Variants in CLOCK observed in about 807,000 individuals in gnomAD.
CLOCK encodes clock circadian regulator.
Under a neutral mutation model 118.4 loss-of-function variants are expected in CLOCK, and 43 were observed. The observed-to-expected ratio is 0.36, with a 90% CI of 0.28 to 0.47. The LOEUF is 0.47. Among genes scored for constraint, CLOCK ranks in the 20% least tolerant of loss-of-function variants. CLOCK has a pLI of 1.00. For missense variants in CLOCK, 846 were observed against 999.9 expected, an observed-to-expected ratio of 0.85 and a Z score of 2.08; for synonymous variants, 326 against 339.2, an observed-to-expected ratio of 0.96 and a Z score of 0.43.
chr4:55,522,495 G>T (rs565770403), intron 1 of CLOCK, among the ~76,000 whole-genome samples: 1 of 147,154 alleles, frequency 6.8e-6, no homozygotes, highest in Non-Finnish European at 1.5e-5. Flanking sequence ...GTAATAAACT[G>T]TTTTTTTTTA....
intron 7 of CLOCK, among the ~76,000 whole-genome samples, chr4:55,473,201 C>G (rs1321252633): frequency 6.6e-6 from 1 of 151,010 alleles, no homozygotes; most frequent in African/African-American, 2.4e-5. Context: ...CCAGCCTGGG[C>G]GACTAAGCAA....
chr4:55,450,301 T>C, intron 15 of CLOCK, 69 bp from the exon 16 acceptor site: 1 of 1,584,802 alleles, frequency 6.3e-7, no homozygotes, highest in Non-Finnish European at 8.7e-7. Flanking sequence ...CACAATACTG[T>C]TAACAACAAC....
intron 7 of CLOCK, among the ~76,000 whole-genome samples, 180 bp downstream of exon 7, chr4:55,475,783 A>T (rs1370408459): frequency 2.0e-5 from 3 of 152,200 alleles, no homozygotes; most frequent in Non-Finnish European, 4.4e-5. Flanking sequence ...GTTATTACAC[A>T]CCTAATAGAC....
intron 2 of CLOCK, among the ~76,000 whole-genome samples, chr4:55,499,129 C>CT (rs1378302164): frequency 1.3e-5 from 2 of 152,098 alleles, no homozygotes; most frequent in African/African-American, 2.4e-5. Flanking sequence ...TACTTTAAGG[C>CT]TTTTTTCTGA....
At position 55,432,697 on chromosome 4, in the gene CLOCK, G is replaced by T. The variant is rs1352837798; in HGVS notation, c.*2718C>A. On this transcript the variant is annotated 3_prime_UTR_variant, in exon 23 of 23. Transcript: ENST00000513440. ...AGGAAAACAAAGCAGCAAAGAGGCA[G>T]CTGGTGCTTACTACCTCTTCCACTA... 6.6e-6 allele frequency: 1 copy of T among 152,036 alleles called. No homozygotes were observed. The highest frequency in any genetic ancestry group is 2.4e-5 in the African/African-American group (1 of 41,410). 9.4% of individuals were successfully genotyped at this position (152,036 alleles called of 1,614,324 possible). A position where few individuals can be genotyped will look rare whatever the true frequency, so the allele number is the denominator to read the frequency against.
chr4:55,455,618 G>C (rs189441678), intron 13 of CLOCK, among the ~76,000 whole-genome samples: 2 of 152,084 alleles, frequency 1.3e-5, no homozygotes, highest in East Asian at 3.8e-4. Flanking sequence ...ATTTTCAAAG[G>C]AATCTACTTC....
chr4:55,444,570 A>G, intron 19 of CLOCK, 63 bp downstream of exon 19: 1 of 1,603,998 alleles, frequency 6.2e-7, no homozygotes, highest in Non-Finnish European at 8.5e-7. Context: ...AAGAAAAGTT[A>G]ATTTTCCTAG....
chr4:55,509,390 A>AT (rs1374911786), intron 2 of CLOCK, among the ~76,000 whole-genome samples: 7 of 152,126 alleles, frequency 4.6e-5, no homozygotes, highest in African/African-American at 1.2e-4. Flanking sequence ...AGTCTTCGAG[A>AT]TTTTTTTTCA....
chr4:55,487,061 G>T (rs1439605283), intron 3 of CLOCK, among the ~76,000 whole-genome samples: 1 of 151,956 alleles, frequency 6.6e-6, no homozygotes, highest in Non-Finnish European at 1.5e-5. Context: ...ACTTTCAATA[G>T]ATTTTATTTT....
Position 55,472,756 on chromosome 4 carries a change from G to C in CLOCK, c.349-1950C>G, listed in dbSNP as rs537290814. On this transcript the variant is annotated intron_variant, in intron 7 of 22. Coordinates refer to ENST00000513440, the MANE Select transcript of CLOCK (RefSeq NM_004898.4). ...TTGTCCCCCCCCTTCTTTTGGGAAA[G>C]AGATCTGGATATCACAAAGAACTTA... Among the ~76,000 whole-genome samples the C allele has an allele frequency of 1.4e-3, 215 of 150,936 alleles. 2 individuals carry two copies. The highest frequency in any genetic ancestry group is 7.8e-4 in the Non-Finnish European group (53 of 67,828).
intron 14 of CLOCK, 176 bp from the exon 15 acceptor site, chr4:55,453,305 G>T (rs922460491): frequency 1.7e-6 from 1 of 590,420 alleles, no homozygotes; most frequent in African/African-American, 1.9e-5. Flanking sequence ...ATTTTTCTAG[G>T]TATCTTAAAG....
rs377293827 is a variant in CLOCK, at chr4:55,448,850, C to G, written c.1468G>C (p.Val490Leu). The change falls in exon 18 of 23, where the codon GTT becomes CTT. Residue 490 changes from valine to leucine, a missense_variant. By Grantham distance (32) the Val-to-Leu change is conservative. Transcript: ENST00000513440. ...ACTGGCTGTGTTAATGATGAACCAACAGACTGGGAATTTATGGACTAGAGC... is the reference window on the plus strand; with the variant it reads ...ACTGGCTGTGTTAATGATGAACCAAGAGACTGGGAATTTATGGACTAGAGC... ...FSSQSINSQS[V>L]GSSLTQPVMS... The G allele has an allele frequency of 6.2e-6, 10 of 1,613,632 alleles. No homozygotes were observed. Among genetic ancestry groups the G allele is most frequent in the African/African-American group, 1.3e-5 (1 of 74,910 alleles).
At chr4:55,440,613 C>T (rs1560413785) in intron 21 of CLOCK, among the ~76,000 whole-genome samples, 3 of 152,106 alleles carry the variant, frequency 2.0e-5, no homozygotes, top group Non-Finnish European at 4.4e-5. Context: ...TTAAAATTGT[C>T]CATATTAAGA....
intron 7 of CLOCK, among the ~76,000 whole-genome samples, chr4:55,473,931 C>T (rs1726316545): frequency 6.6e-6 from 1 of 152,156 alleles, no homozygotes; most frequent in Non-Finnish European, 1.5e-5. Flanking sequence ...TTGGAGCTCC[C>T]CATTCCCTGA....
chr4:55,436,687 TTCTC>T (rs774150805), intron 22 of CLOCK, among the ~76,000 whole-genome samples: 1 of 152,168 alleles, frequency 6.6e-6, no homozygotes, highest in Admixed American at 6.6e-5. Context: ...AGAGTTTTCT[TTCTC>T]TCTTTGTTAT....
At position 55,455,933 on chromosome 4, in the gene CLOCK, C is replaced by G; in HGVS notation, c.946G>C (p.Asp316His). 3 of 1,613,690 alleles carry G rather than the reference C, an allele frequency of 1.9e-6. No individual in the cohort carries two copies. The highest frequency in any genetic ancestry group is 2.5e-6 in the Non-Finnish European group (3 of 1,179,782). ...CATTTTGCCAAATTTTCTAGGTCAT[C>G]CACATGATAGTAATCATAGCCTGAT... Reference protein sequence around the residue: ...GTSGYDYYHVDDLENLAKCHE... With the variant: ...GTSGYDYYHVHDLENLAKCHE... Residue 316 changes from aspartate to histidine, a missense_variant, in exon 13 of 23, where the codon GAT becomes CAT. Asp to His is a moderately conservative substitution (Grantham distance 81, BLOSUM62 -1). Transcript: ENST00000513440.
intron 1 of CLOCK, among the ~76,000 whole-genome samples, chr4:55,524,143 C>G (rs922108975): frequency 3.3e-5 from 5 of 152,048 alleles, no homozygotes; most frequent in African/African-American, 1.2e-4. Flanking sequence ...AATCCCAGTA[C>G]TTTGGGAGGC....
At chr4:55,449,948 A>T (rs1724271994) in intron 16 of CLOCK, 143 bp downstream of exon 16, 1 of 1,004,578 alleles carries the variant, frequency 1.0e-6, no homozygotes, top group Non-Finnish European at 1.5e-6. Context: ...ATGTCCCTTT[A>T]ACTCACTGGA....
intron 1 of CLOCK, among the ~76,000 whole-genome samples, chr4:55,516,445 T>C (rs1729519942): frequency 6.6e-6 from 1 of 152,234 alleles, no homozygotes; most frequent in African/African-American, 2.4e-5. Context: ...TCATTATTTA[T>C]GCAATGCCCC....
Sources: allele counts gnomAD v4.1 joint callset (sites outside exome capture counted in the v4.1 genomes callset), GRCh38; gene constraint gnomAD v4.1.1; transcripts MANE v1.5; gene names NCBI Gene and HGNC (gene_info 2026-07-23, HGNC 2026-07-21).